The following GABRR3 variants were observed in gnomAD, a reference collection of about 807,000 sequenced individuals.
The protein encoded by GABRR3 is gamma-aminobutyric acid receptor subunit rho-3.
A neutral mutation model predicts 43.2 loss-of-function variants in GABRR3; 29 were observed. That is an observed-to-expected ratio of 0.67 (90% confidence interval 0.50 to 0.92). The LOEUF (loss-of-function observed/expected upper bound fraction) is 0.92, where lower values mean the gene tolerates loss of function less well. GABRR3 is among the 40% of genes least tolerant of loss of function. The pLI, the probability that GABRR3 is intolerant of heterozygous loss-of-function variation, is 0.00. For synonymous variants in GABRR3, 206 were observed against 195.9 expected (o/e 1.05, Z -0.43); for missense variants, 576 against 572.3 (o/e 1.01, Z -0.07).
intron 3 of GABRR3, 83 bp downstream of exon 3, chr3:98,025,484 C>T: frequency 2.4e-6 from 2 of 832,172 alleles, no homozygotes; most frequent in Non-Finnish European, 3.7e-6. Flanking sequence ...ACTTTACTTG[C>T]ATTTTGGTCT....
intron 8 of GABRR3, among the ~76,000 whole-genome samples, chr3:97,996,116 G>C (rs1249798297): frequency 6.6e-6 from 1 of 152,168 alleles, no homozygotes; most frequent in Non-Finnish European, 1.5e-5. Flanking sequence ...TGACTGATAT[G>C]ATAGCAGTAG....
chr3:98,017,536 A>G (rs1233895461), intron 4 of GABRR3, 119 bp downstream of exon 4: 6 of 730,046 alleles, frequency 8.2e-6, no homozygotes, highest in African/African-American at 5.3e-5. Context: ...ATGATTAATC[A>G]AAGTAGGAGA....
At chr3:97,994,475 C>T (rs1260171455) in intron 8 of GABRR3, among the ~76,000 whole-genome samples, 1 of 152,206 alleles carries the variant, frequency 6.6e-6, no homozygotes. Flanking sequence ...AGACCACTGT[C>T]TCATCAAGTC....
Position 97,989,067 on chromosome 3 carries a change from G to A in GABRR3, c.1105-2085C>T, listed in dbSNP as rs544966040. 2.0e-5 allele frequency among the ~76,000 whole-genome samples: 3 copies of A among 151,128 alleles called. No homozygotes were observed. The South Asian group carries it at 6.3e-4, about 32-fold the overall frequency. ...GGTGGTGAGTGGTGGTGATGGTGGT[G>A]GATGGTGTTGGTGATGTTATTGGTG... On this transcript the variant is annotated intron_variant, in intron 9 of 9. Coordinates refer to ENST00000621172, the Ensembl canonical transcript of GABRR3.
In GABRR3 at chr3:98,001,899, T is replaced by C. The variant is rs1706649900; in HGVS notation, c.755-132A>G. ...ATTTGACAAACTCATCTCCATTTAG[T>C]TGGGCCTGGCACTCCATCAACATTT... On this transcript the variant is annotated intron_variant, in intron 7 of 9. Transcript: ENST00000621172. The C allele has an allele frequency of 6.9e-6, 6 of 869,766 alleles. No homozygotes were observed. In the South Asian group the frequency reaches 8.9e-5, roughly 13 times the overall value. 53.9% of individuals were successfully genotyped at this position (869,766 alleles called of 1,614,324 possible). A position where few individuals can be genotyped will look rare whatever the true frequency, so the allele number is the denominator to read the frequency against.
chr3:98,028,438 CAAAT>C (rs1448449146), intron 2 of GABRR3, among the ~76,000 whole-genome samples: 1 of 152,138 alleles, frequency 6.6e-6, no homozygotes, highest in African/African-American at 2.4e-5. Context: ...TATAACCTGA[CAAAT>C]TAATTAGGTT....
intron 8 of GABRR3, among the ~76,000 whole-genome samples, chr3:97,995,398 C>A (rs1160842714): frequency 6.6e-6 from 1 of 151,926 alleles, no homozygotes; most frequent in Non-Finnish European, 1.5e-5. Flanking sequence ...AACAAACACA[C>A]AAATGTATAT....
At chr3:97,986,668 A>T (rs1172664031), downstream of GABRR3, 3 of 1,462,012 alleles carry the variant, frequency 2.1e-6, no homozygotes, top group South Asian at 4.0e-5. Flanking sequence ...AGTTGTATAC[A>T]TTTGAAATTC....
chr3:97,992,323 A>G lies in GABRR3; in HGVS notation c.1104+529T>C, dbSNP rs892651946. On this transcript the variant is annotated intron_variant, in intron 9 of 9. Coordinates refer to ENST00000621172, the Ensembl canonical transcript of GABRR3. ...GTTGAGAGCACACACACAGCCTTTG[A>G]AGTTAAGGAGACCCAGAAGCAAAGC... Among the ~76,000 whole-genome samples, 25 of 152,222 alleles carry G rather than the reference A, an allele frequency of 1.6e-4. 1 individual carries two copies. Among genetic ancestry groups the G allele is most frequent in the East Asian group, 1.3e-3 (7 of 5,190 alleles).
chr3:97,990,422 C>T lies in GABRR3; in HGVS notation c.1104+2430G>A, dbSNP rs183844034. On this transcript the variant is annotated intron_variant, in intron 9 of 9. Transcript: ENST00000621172. ...CAGTGGCAGTGGTGCAATCACAGCT[C>T]ACTGCAACCTCGGCCTCCCAGGTCC... 1.3e-3 allele frequency among the ~76,000 whole-genome samples: 200 copies of T among 151,992 alleles called. 1 individual carries two copies. The highest frequency in any genetic ancestry group is 2.4e-3 in the Non-Finnish European group (160 of 67,982).
rs150891012 is a variant in GABRR3, at chr3:98,005,825, G to A, written c.754+1939C>T. 7.9e-5 allele frequency among the ~76,000 whole-genome samples: 12 copies of A among 152,204 alleles called. No individual in the cohort carries two copies. In the East Asian group the frequency reaches 2.3e-3, roughly 29 times the overall value. On this transcript the variant is annotated intron_variant, in intron 7 of 9. Coordinates refer to ENST00000621172, the Ensembl canonical transcript of GABRR3. The stretch of plus-strand genomic sequence containing the variant: ...TTATTGTATATTTTGCATATGTTCT[G>A]TGCATGAGACAATTCTTTTTGATTT...
intron 2 of GABRR3, among the ~76,000 whole-genome samples, chr3:98,027,323 T>G (rs564042541): frequency 1.4e-4 from 22 of 152,198 alleles, no homozygotes; most frequent in Admixed American, 3.9e-4. Flanking sequence ...TCTCAAGAGA[T>G]CCACCGGCCT....
intron 8 of GABRR3, among the ~76,000 whole-genome samples, chr3:97,993,774 C>G (rs566285816): frequency 2.0e-4 from 30 of 151,928 alleles, no homozygotes; most frequent in Middle Eastern, 6.8e-3. Flanking sequence ...CTTTCCTTCT[C>G]TTCCCTTCTT....
intron 8 of GABRR3, 127 bp from the exon 9 acceptor site, chr3:97,993,175 G>A (rs755130964): frequency 2.0e-4 from 128 of 643,396 alleles, no homozygotes; most frequent in South Asian, 4.6e-4. Flanking sequence ...GAGGGAAGGT[G>A]TGTGCATGTT....
chr3:98,008,798 C>CAAAAAAAAAAAAAAA (rs57502092), intron 6 of GABRR3, 158 bp downstream of exon 6: 1 of 113,852 alleles, frequency 8.8e-6, no homozygotes, highest in African/African-American at 3.4e-5. Context: ...AAACAGAAAC[C>CAAAAAAAAAAAAAAA]AAAAAAAAAA....
chr3:97,996,047 A>G (rs923577702), intron 8 of GABRR3, among the ~76,000 whole-genome samples: 1 of 152,006 alleles, frequency 6.6e-6, no homozygotes, highest in African/African-American at 2.4e-5. Flanking sequence ...GTCTGGGGGG[A>G]ATTAATAATC....
intron 9 of GABRR3, among the ~76,000 whole-genome samples, chr3:97,990,260 A>G (rs1170077201): frequency 1.3e-5 from 2 of 152,126 alleles, no homozygotes; most frequent in Non-Finnish European, 2.9e-5. Flanking sequence ...AAATGACACC[A>G]CTGTGGAAAC....
chr3:98,021,144 C>T (rs1357318063), intron 3 of GABRR3, among the ~76,000 whole-genome samples: 1 of 152,018 alleles, frequency 6.6e-6, no homozygotes, highest in Non-Finnish European at 1.5e-5. Flanking sequence ...GGATTACAGG[C>T]GTGAGCCACT....
chr3:98,004,901 CTT>C (rs1706704397), intron 7 of GABRR3, among the ~76,000 whole-genome samples: 1 of 151,878 alleles, frequency 6.6e-6, no homozygotes, highest in African/African-American at 2.4e-5. Flanking sequence ...GAAAAAGACA[CTT>C]GAGTTTGTCA....
Sources: gnomAD v4.1 joint callset for allele counts (sites outside exome capture counted in the v4.1 genomes callset) on GRCh38, gnomAD v4.1.1 for gene constraint, MANE v1.5 for transcripts, NCBI Gene and HGNC (gene_info 2026-07-23, HGNC 2026-07-21) for gene names.